The following SUPT3H variants were observed in gnomAD, a reference collection of about 807,000 sequenced individuals.
SUPT3H encodes the protein SPT3 homolog, SAGA and STAGA complex component.
A neutral mutation model predicts 44.3 loss-of-function variants in SUPT3H; 44 were observed. The ratio of observed to expected loss-of-function variants is 0.99; its 90% confidence interval spans 0.78 to 1.28. SUPT3H has a LOEUF of 1.28. SUPT3H is among the 50% of genes most tolerant of loss of function. The probability of loss-of-function intolerance (pLI) is 0.00; values close to 1 mark genes in which losing one functional copy is unlikely to be tolerated. For missense variants in SUPT3H, 380 were observed against 387.1 expected (o/e 0.98, Z 0.15); for synonymous variants, 124 against 125.6 (o/e 0.99, Z 0.09).
At chr6:45,076,502 G>GA (rs11411267) in intron 3 of SUPT3H, among the ~76,000 whole-genome samples, 51,762 of 142,702 alleles carry the variant, frequency 0.36, 9,818 homozygotes, top group Non-Finnish European at 0.44. Flanking sequence ...ACTACAAGAA[G>GA]AAAAAAAAAA....
At chr6:45,010,324 ATTTCTC>A (rs1783300498) in intron 5 of SUPT3H, among the ~76,000 whole-genome samples, 1 of 152,060 alleles carries the variant, frequency 6.6e-6, no homozygotes, top group South Asian at 2.1e-4. Flanking sequence ...GATGCCCTTC[ATTTCTC>A]TTTCTGACTA....
intron 2 of SUPT3H, among the ~76,000 whole-genome samples, chr6:45,141,142 C>A (rs903421613): frequency 6.6e-6 from 1 of 151,726 alleles, no homozygotes; most frequent in Non-Finnish European, 1.5e-5. Flanking sequence ...GAGATTGAGA[C>A]CAGCCTGGCC....
At chr6:44,809,124 T>TA (rs1209161224), downstream of SUPT3H, among the ~76,000 whole-genome samples, 1 of 152,206 alleles carries the variant, frequency 6.6e-6, no homozygotes, top group Non-Finnish European at 1.5e-5. Context: ...AAAAAACAGA[T>TA]AGAGCACTGA....
At chr6:45,127,593 A>T (rs1308411460) in intron 2 of SUPT3H, among the ~76,000 whole-genome samples, 1 of 151,716 alleles carries the variant, frequency 6.6e-6, no homozygotes, top group Non-Finnish European at 1.5e-5. Flanking sequence ...TCAAACACAC[A>T]CTCATAATTT....
At chr6:44,864,791 G>A (rs1187675030) in intron 10 of SUPT3H, among the ~76,000 whole-genome samples, 3 of 152,210 alleles carry the variant, frequency 2.0e-5, no homozygotes, top group Admixed American at 1.3e-4. Context: ...GCCATGATGG[G>A]AAGGGCTGCC....
chr6:45,197,946 C>A lies in SUPT3H; in HGVS notation c.102-91940G>T, dbSNP rs1816357945. 1.3e-5 allele frequency among the ~76,000 whole-genome samples: 2 copies of A among 151,166 alleles called. 1 individual carries two copies. Among genetic ancestry groups the A allele is most frequent in the Admixed American group, 1.3e-4 (2 of 15,148 alleles). ...AGCATCTATTCAGACTGTAAACTTA[C>A]AAAAGCATTCAGATTTCTTCTTACT... On this transcript the variant is annotated intron_variant, in intron 2 of 10. Transcript: ENST00000371459.
intron 6 of SUPT3H, among the ~76,000 whole-genome samples, chr6:45,000,483 C>A (rs1456231865): frequency 6.6e-6 from 1 of 152,002 alleles, no homozygotes; most frequent in African/African-American, 2.4e-5. Context: ...AAAACCATAA[C>A]CCTGGGACTC....
chr6:45,183,244 A>T (rs1813596603), intron 2 of SUPT3H, among the ~76,000 whole-genome samples: 1 of 152,252 alleles, frequency 6.6e-6, no homozygotes, highest in Non-Finnish European at 1.5e-5. Context: ...GACTTCACTT[A>T]TATAAAGTAT....
chr6:45,278,055 G>A (rs1167173564), intron 2 of SUPT3H, among the ~76,000 whole-genome samples: 4 of 149,704 alleles, frequency 2.7e-5, no homozygotes, highest in African/African-American at 7.4e-5. Flanking sequence ...ATGTTCTCAC[G>A]CATAAGTGGG....
chr6:45,315,431 GA>G (rs1208921106), intron 2 of SUPT3H, among the ~76,000 whole-genome samples: 1 of 151,804 alleles, frequency 6.6e-6, no homozygotes, highest in East Asian at 1.9e-4. Flanking sequence ...AAATCAACAA[GA>G]AAAATCAATC....
chr6:45,322,279 T>C (rs1785629788), intron 2 of SUPT3H, among the ~76,000 whole-genome samples: 1 of 151,812 alleles, frequency 6.6e-6, no homozygotes, highest in South Asian at 2.1e-4. Context: ...ACAGACTTCT[T>C]CAGGAATTAG....
At chr6:45,196,306 G>C (rs1042762813) in intron 2 of SUPT3H, among the ~76,000 whole-genome samples, 1 of 151,998 alleles carries the variant, frequency 6.6e-6, no homozygotes, top group Non-Finnish European at 1.5e-5. Context: ...ACCACAAATA[G>C]TAAAAGTGTA....
At chr6:45,120,435 AAAAAAAG>A (rs1204612746) in intron 2 of SUPT3H, among the ~76,000 whole-genome samples, 7 of 148,886 alleles carry the variant, frequency 4.7e-5, no homozygotes, top group Non-Finnish European at 7.5e-5. Context: ...AAAAAAAAAA[AAAAAAAG>A]ACTATATAAG....
chr6:44,897,109 G>A (rs1764227353), intron 10 of SUPT3H, among the ~76,000 whole-genome samples: 1 of 152,160 alleles, frequency 6.6e-6, no homozygotes, highest in Admixed American at 6.6e-5. Context: ...TTCAGCCCAA[G>A]GTCCTAATAC....
At chr6:45,320,138 A>T (rs567414987) in intron 2 of SUPT3H, among the ~76,000 whole-genome samples, 60 of 152,260 alleles carry the variant, frequency 3.9e-4, no homozygotes, top group Middle Eastern at 3.4e-3. Context: ...CAATATTATT[A>T]AAAAAATTTC....
intron 2 of SUPT3H, among the ~76,000 whole-genome samples, chr6:45,271,760 T>C (rs890392757): frequency 7.9e-5 from 12 of 151,966 alleles, no homozygotes; most frequent in African/African-American, 2.2e-4. Flanking sequence ...CATGGACACC[T>C]TGCATTGTCC....
intron 2 of SUPT3H, among the ~76,000 whole-genome samples, chr6:45,249,759 G>A (rs190826170): frequency 4.2e-4 from 64 of 152,186 alleles, no homozygotes; most frequent in African/African-American, 1.5e-3. Flanking sequence ...TTTCATCTTT[G>A]GGGAAGTTAC....
At chr6:44,883,106 G>T (rs1285215854) in intron 10 of SUPT3H, among the ~76,000 whole-genome samples, 1 of 152,212 alleles carries the variant, frequency 6.6e-6, no homozygotes, top group Non-Finnish European at 1.5e-5. Context: ...GTCTCTGTTT[G>T]CAGGTGACAT....
At chr6:44,897,461 T>C (rs986287660) in intron 10 of SUPT3H, among the ~76,000 whole-genome samples, 1 of 152,210 alleles carries the variant, frequency 6.6e-6, no homozygotes, top group East Asian at 1.9e-4. Context: ...AATGACCAGT[T>C]ACTTTGTGTA....
Sources: gnomAD v4.1 joint callset for allele counts (sites outside exome capture counted in the v4.1 genomes callset) on GRCh38, gnomAD v4.1.1 for gene constraint, MANE v1.5 for transcripts, NCBI Gene and HGNC (gene_info 2026-07-23, HGNC 2026-07-21) for gene names.